VPS8: variants seen among roughly 807,000 people sequenced by gnomAD.
VPS8 encodes the protein vacuolar protein sorting-associated protein 8 homolog.
A neutral mutation model predicts 216.4 loss-of-function variants in VPS8; 129 were observed. The ratio of observed to expected loss-of-function variants is 0.60; its 90% CI spans 0.52 to 0.69. The LOEUF (loss-of-function observed/expected upper bound fraction) is 0.69, where lower values mean the gene tolerates loss of function less well. Ranked by LOEUF, VPS8 falls within the 30% of genes least tolerant of loss-of-function variation. VPS8 has a pLI of 0.00. For synonymous variants in VPS8, 571 were observed against 565.4 expected (o/e 1.01, Z -0.14); for missense variants, 1,531 against 1,683.5 (o/e 0.91, Z 1.59).
chr3:184,883,699 C>T (rs1323779237), intron 21 of VPS8, among the ~76,000 whole-genome samples: 1 of 152,124 alleles, frequency 6.6e-6, no homozygotes. Flanking sequence ...CCTACAGTCA[C>T]CATAGTGATC....
At chr3:185,033,358 G>T (rs1271988259) in intron 46 of VPS8, among the ~76,000 whole-genome samples, 1 of 152,122 alleles carries the variant, frequency 6.6e-6, no homozygotes, top group Non-Finnish European at 1.5e-5. Flanking sequence ...GCCTTTTCTA[G>T]AATGGCATGT....
intron 25 of VPS8, among the ~76,000 whole-genome samples, chr3:184,909,161 G>A (rs1293865097): frequency 2.0e-5 from 3 of 152,200 alleles, no homozygotes; most frequent in Non-Finnish European, 1.5e-5. Context: ...TGCCCAAGTT[G>A]TAAGGCAATA....
At chr3:185,034,867 G>GA (rs1035880239) in intron 46 of VPS8, among the ~76,000 whole-genome samples, 4 of 151,914 alleles carry the variant, frequency 2.6e-5, no homozygotes, top group Non-Finnish European at 5.9e-5. Flanking sequence ...GGTTAACAAA[G>GA]AAAAAACAGA....
intron 4 of VPS8, among the ~76,000 whole-genome samples, chr3:184,833,738 T>C (rs1196687494): frequency 6.6e-6 from 1 of 152,338 alleles, no homozygotes; most frequent in African/African-American, 2.4e-5. Context: ...TACATCTTCA[T>C]ATTTCTGCCT....
intron 21 of VPS8, among the ~76,000 whole-genome samples, chr3:184,875,968 TGACAGAGCAA>T (rs1342101455): frequency 6.6e-6 from 1 of 151,140 alleles, no homozygotes; most frequent in Non-Finnish European, 1.5e-5. Context: ...CCAACCTGGG[TGACAGAGCAA>T]GACCCTGTCT....
chr3:184,840,224 G>A (rs1433558048), intron 7 of VPS8: 1 of 152,218 alleles, frequency 6.6e-6, no homozygotes, highest in African/African-American at 2.4e-5. Context: ...AATTTTTTTT[G>A]GCCTGTAATC....
chr3:184,820,521 G>A (rs928637700), intron 1 of VPS8, among the ~76,000 whole-genome samples: 1 of 152,160 alleles, frequency 6.6e-6, no homozygotes, highest in African/African-American at 2.4e-5. Context: ...CATATTCATG[G>A]TTTCTGGGGA....
chr3:184,956,996 GA>G (rs1436916585), intron 36 of VPS8, among the ~76,000 whole-genome samples: 2 of 152,146 alleles, frequency 1.3e-5, no homozygotes, highest in Non-Finnish European at 2.9e-5. Flanking sequence ...AGAATATAAA[GA>G]AGAAACACTT....
At chr3:184,906,825 C>T (rs964531619) in intron 25 of VPS8, among the ~76,000 whole-genome samples, 19 of 152,102 alleles carry the variant, frequency 1.2e-4, no homozygotes, top group Admixed American at 2.0e-4. Context: ...GGTTTCTTTT[C>T]CTCAGTAGAT....
chr3:184,930,668 A>G, intron 34 of VPS8, 100 bp downstream of exon 34: 2 of 814,538 alleles, frequency 2.5e-6, no homozygotes, highest in Non-Finnish European at 4.0e-6. Context: ...TATTAAGTTG[A>G]TTTAATTTAG....
chr3:184,929,480 A>C, intron 32 of VPS8, 100 bp from the exon 33 acceptor site: 1 of 690,826 alleles, frequency 1.4e-6, no homozygotes, highest in Non-Finnish European at 2.5e-6. Context: ...ATGAGCCAGG[A>C]CACCTGGCCC....
At chr3:184,846,389 A>G (rs1723131614) in intron 8 of VPS8, among the ~76,000 whole-genome samples, 2 of 152,140 alleles carry the variant, frequency 1.3e-5, no homozygotes, top group South Asian at 4.1e-4. Context: ...TTTAATCTAC[A>G]AGTTATGTCC....
At chr3:184,994,311 A>C (rs1247921897) in intron 43 of VPS8, among the ~76,000 whole-genome samples, 2 of 152,032 alleles carry the variant, frequency 1.3e-5, no homozygotes, top group Non-Finnish European at 2.9e-5. Context: ...AGACCAGTCC[A>C]GGCAACATAG....
chr3:184,958,273 G>A (rs539085223), intron 37 of VPS8, among the ~76,000 whole-genome samples: 3 of 152,172 alleles, frequency 2.0e-5, no homozygotes, highest in Non-Finnish European at 4.4e-5. Flanking sequence ...GTGAAAATGG[G>A]TCAGTTTAGT....
intron 23 of VPS8, 50 bp downstream of exon 23, chr3:184,894,975 A>G: frequency 6.8e-7 from 1 of 1,460,282 alleles, no homozygotes; most frequent in Non-Finnish European, 9.3e-7. Context: ...TCATTCCTTT[A>G]TTGATAACAC....
In VPS8 at chr3:184,915,481, G is replaced by T; in HGVS notation, c.2382+7G>T. 1 of 1,612,456 alleles carries T rather than the reference G, an allele frequency of 6.2e-7. No individual in the cohort carries two copies. Among genetic ancestry groups the T allele is most frequent in the Non-Finnish European group, 8.5e-7 (1 of 1,179,402 alleles). ...TCTAAATGTATTGGCACTGGTAAGA[G>T]ACAGTATTATTTTAAGGTGTTTTCA... On this transcript the variant is annotated splice_region_variant and intron_variant, in intron 28 of 47. Transcript: ENST00000625842.
At chr3:185,014,090 T>A (rs140085008) in intron 45 of VPS8, among the ~76,000 whole-genome samples, 1 of 152,296 alleles carries the variant, frequency 6.6e-6, no homozygotes, top group African/African-American at 2.4e-5. Flanking sequence ...ATACAGGCAT[T>A]ATTGCCAGCC....
rs1727703160 is a variant in VPS8, at chr3:184,868,124, T to C, written c.1506+65T>C. 8 of 1,541,652 alleles carry C rather than the reference T, an allele frequency of 5.2e-6. No individual in the cohort carries two copies. In the Admixed American group the frequency reaches 1.4e-4, roughly 27 times the overall value. Reference sequence around the variant, plus strand: ...TGGTAGCTTCTTAACATTTCTGTTTTGACTTTTCAGAAGAAGATTATTTGG... The same window carrying C: ...TGGTAGCTTCTTAACATTTCTGTTTCGACTTTTCAGAAGAAGATTATTTGG... On this transcript the variant is annotated intron_variant, in intron 18 of 47. Coordinates refer to ENST00000625842, the MANE Select transcript of VPS8 (RefSeq NM_001009921.3).
At chr3:184,874,265 G>A (rs1261423876) in intron 21 of VPS8, among the ~76,000 whole-genome samples, 1 of 152,066 alleles carries the variant, frequency 6.6e-6, no homozygotes, top group African/African-American at 2.4e-5. Context: ...TAAAGCATTT[G>A]CCTAATTTTT....
Sources: gnomAD v4.1 joint callset for allele counts (sites outside exome capture counted in the v4.1 genomes callset) on GRCh38, gnomAD v4.1.1 for gene constraint, MANE v1.5 for transcripts, NCBI Gene and HGNC (gene_info 2026-07-23, HGNC 2026-07-21) for gene names.